The following DMRT1 variants were observed in gnomAD, a reference collection of about 807,000 sequenced individuals.
The protein encoded by DMRT1 is doublesex and mab-3 related transcription factor 1.
DMRT1 carries 7 observed loss-of-function variants against 32.3 expected under a neutral mutation model. The ratio of observed to expected loss-of-function variants is 0.22; its 90% CI spans 0.12 to 0.41. The LOEUF (loss-of-function observed/expected upper bound fraction) is 0.41, where lower values mean the gene tolerates loss of function less well. DMRT1 is among the 10% of genes least tolerant of loss of function. DMRT1 has a pLI of 1.00. For synonymous variants in DMRT1, 278 were observed against 206.1 expected, an observed-to-expected ratio of 1.35 and a Z score of -2.99; for missense variants, 625 against 500.5, an observed-to-expected ratio of 1.25 and a Z score of -2.37.
intron 2 of DMRT1, among the ~76,000 whole-genome samples, chr9:855,502 T>C (rs544822367): frequency 4.0e-4 from 61 of 152,360 alleles, no homozygotes; most frequent in Middle Eastern, 6.8e-3. Context: ...GATGGTTAAA[T>C]TTGAAGCTCT....
intron 3 of DMRT1, among the ~76,000 whole-genome samples, chr9:895,740 T>G (rs1051638042): frequency 5.3e-5 from 8 of 152,178 alleles, no homozygotes; most frequent in African/African-American, 1.9e-4. Context: ...CAGTATATTA[T>G]TAAGTACAGT....
intron 2 of DMRT1, among the ~76,000 whole-genome samples, chr9:851,384 G>A (rs1178482000): frequency 3.3e-5 from 5 of 151,822 alleles, no homozygotes; most frequent in Non-Finnish European, 4.4e-5. Flanking sequence ...GATTACAGGC[G>A]TGCGTGGCGA....
At chr9:917,844 A>C (rs1400138673) in intron 4 of DMRT1, among the ~76,000 whole-genome samples, 1 of 152,214 alleles carries the variant, frequency 6.6e-6, no homozygotes, top group Non-Finnish European at 1.5e-5. Context: ...AAGGACTTCT[A>C]TTAATATGAA....
chr9:957,498 C>T (rs978117775), intron 4 of DMRT1, among the ~76,000 whole-genome samples: 2 of 152,186 alleles, frequency 1.3e-5, no homozygotes, highest in South Asian at 4.1e-4. Context: ...TAATGTGAAC[C>T]ATTCCTAAAC....
rs563794452 is a variant in DMRT1, at chr9:945,791, C to A, written c.968-22194C>A. 2.0e-4 allele frequency among the ~76,000 whole-genome samples: 29 copies of A among 147,556 alleles called. 1 individual carries two copies. The East Asian group carries it at 3.8e-3, about 19-fold the overall frequency. ...ATCTTGGCGTAATACAGTGTTATGG[C>A]CTACTTTTCCCTCATTTTATTTATT... is the stretch of plus-strand genomic sequence containing the variant. On this transcript the variant is annotated intron_variant, in intron 4 of 4. Coordinates refer to ENST00000382276, the MANE Select transcript of DMRT1 (RefSeq NM_021951.3).
intron 3 of DMRT1, among the ~76,000 whole-genome samples, chr9:903,288 G>T (rs1817657083): frequency 6.8e-6 from 1 of 146,230 alleles, no homozygotes; most frequent in African/African-American, 2.6e-5. Flanking sequence ...TTACTCCTCT[G>T]AAGCATTAAG....
intron 4 of DMRT1, among the ~76,000 whole-genome samples, chr9:966,625 G>A (rs917309689): frequency 1.3e-5 from 2 of 152,222 alleles, no homozygotes; most frequent in African/African-American, 4.8e-5. Context: ...ATGTGGTCCA[G>A]TGGAGTGGTT....
chr9:851,101 A>C (rs1839131122), intron 2 of DMRT1, among the ~76,000 whole-genome samples: 1 of 151,860 alleles, frequency 6.6e-6, no homozygotes. Flanking sequence ...GAGAGGTGAA[A>C]GTTGTAGGAG....
chr9:923,062 C>G (rs1236844331), intron 4 of DMRT1, among the ~76,000 whole-genome samples: 2 of 152,188 alleles, frequency 1.3e-5, no homozygotes, highest in African/African-American at 4.8e-5. Context: ...CCTGATTTCA[C>G]TGATACCATA....
chr9:858,352 T>C (rs1815493361), intron 2 of DMRT1, among the ~76,000 whole-genome samples: 1 of 152,070 alleles, frequency 6.6e-6, no homozygotes, highest in Non-Finnish European at 1.5e-5. Flanking sequence ...GTCACAAAGG[T>C]CATCTGTGTC....
At chr9:922,817 T>C (rs566036638) in intron 4 of DMRT1, among the ~76,000 whole-genome samples, 3 of 152,204 alleles carry the variant, frequency 2.0e-5, no homozygotes, top group Admixed American at 1.3e-4. Flanking sequence ...GAAGTGTTCA[T>C]GTATTACTCA....
At chr9:902,752 G>A (rs1457683170) in intron 3 of DMRT1, among the ~76,000 whole-genome samples, 1 of 152,044 alleles carries the variant, frequency 6.6e-6, no homozygotes, top group Non-Finnish European at 1.5e-5. Flanking sequence ...GCTTCCCAAA[G>A]TGCTGGGATT....
intron 2 of DMRT1, among the ~76,000 whole-genome samples, chr9:874,389 T>C (rs941514673): frequency 1.3e-5 from 2 of 152,244 alleles, no homozygotes; most frequent in African/African-American, 4.8e-5. Context: ...ATCTAGTTCT[T>C]GCTTTGTTTC....
At chr9:907,185 G>A (rs1470492405) in intron 3 of DMRT1, among the ~76,000 whole-genome samples, 1 of 152,150 alleles carries the variant, frequency 6.6e-6, no homozygotes, top group African/African-American at 2.4e-5. Context: ...AGTGGAGCGT[G>A]CTGATCATTA....
intron 3 of DMRT1, among the ~76,000 whole-genome samples, chr9:898,925 T>C (rs1586586917): frequency 6.6e-6 from 1 of 152,342 alleles, no homozygotes; most frequent in Middle Eastern, 3.4e-3. Flanking sequence ...TATCTTTTCA[T>C]TTATCTGTCT....
At chr9:907,850 TGTGTG>T (rs1817834669) in intron 3 of DMRT1, among the ~76,000 whole-genome samples, 1 of 151,868 alleles carries the variant, frequency 6.6e-6, no homozygotes, top group Admixed American at 6.6e-5. Context: ...TGTGTGTGTG[TGTGTG>T]TGTTATATGT....
rs537703099 is a variant in DMRT1, at chr9:935,062, G to A, written c.967+18155G>A. On this transcript the variant is annotated intron_variant, in intron 4 of 4. Coordinates refer to ENST00000382276, the MANE Select transcript of DMRT1 (RefSeq NM_021951.3). ...TCCTCCAAAATCATTTATAATAGAA[G>A]CAGTGAGAATAGTAGTGCATTTAAA... Among the ~76,000 whole-genome samples, 635 of 152,316 alleles carry A rather than the reference G, an allele frequency of 4.2e-3. 2 individuals carry two copies. Among genetic ancestry groups the A allele is most frequent in the Non-Finnish European group, 6.3e-3 (426 of 68,026 alleles).
Position 842,230 on chromosome 9 carries a change from G to GGT in DMRT1, c.354+38_354+39insGT, listed in dbSNP as rs1554739423. On this transcript the variant is annotated intron_variant, in intron 1 of 4. Transcript: ENST00000382276. ...GTGCGGGAGCCCGGGTTCAGCCTTA[G>GGT]TTTTTTTTTTTTTTTTTTTTTTTAG... is the stretch of plus-strand genomic sequence containing the variant. The GGT allele has an allele frequency of 5.8e-5, 73 of 1,267,104 alleles. No individual in the cohort carries two copies. In the African/African-American group the frequency reaches 1.5e-3, roughly 25 times the overall value. 78.5% of individuals were successfully genotyped at this position (1,267,104 alleles called of 1,614,324 possible). A position where few individuals can be genotyped will look rare whatever the true frequency, so the allele number is the denominator to read the frequency against.
chr9:910,255 G>A (rs1714919595), intron 3 of DMRT1, among the ~76,000 whole-genome samples: 1 of 151,494 alleles, frequency 6.6e-6, no homozygotes, highest in African/African-American at 2.4e-5. Context: ...GTGAGCACAG[G>A]CATTTTTAAT....
Sources: gnomAD v4.1 joint callset for allele counts (sites outside exome capture counted in the v4.1 genomes callset) on GRCh38, gnomAD v4.1.1 for gene constraint, MANE v1.5 for transcripts, NCBI Gene and HGNC (gene_info 2026-07-23, HGNC 2026-07-21) for gene names.